The following BORCS5 variants were observed in gnomAD, a reference collection of about 807,000 sequenced individuals.
BORCS5 encodes the protein BLOC-1-related complex subunit 5.
In BORCS5, 17 loss-of-function variants were observed where a neutral mutation model predicts 22.1. The ratio of observed to expected loss-of-function variants is 0.77; its 90% CI spans 0.53 to 1.15. The LOEUF is 1.15. BORCS5 is among the 50% of genes most tolerant of loss of function. BORCS5 has a pLI of 0.00. For synonymous variants in BORCS5, 117 were observed against 99.8 expected (o/e 1.17, Z -1.03); for missense variants, 247 against 253.2 (o/e 0.98, Z 0.17).
intron 2 of BORCS5, among the ~76,000 whole-genome samples, chr12:12,418,004 A>G (rs1942013430): frequency 1.4e-5 from 1 of 69,826 alleles, no homozygotes; most frequent in Non-Finnish European, 2.7e-5. Flanking sequence ...TTATTTATTT[A>G]TTTATTTATT....
intron 2 of BORCS5, among the ~76,000 whole-genome samples, chr12:12,429,888 C>T (rs1942378397): frequency 6.6e-6 from 1 of 152,280 alleles, no homozygotes; most frequent in South Asian, 2.1e-4. Flanking sequence ...CTTAGAAGAG[C>T]AGATTCAGAC....
intron 2 of BORCS5, among the ~76,000 whole-genome samples, chr12:12,402,577 T>G (rs944509912): frequency 1.3e-5 from 2 of 152,228 alleles, no homozygotes; most frequent in Non-Finnish European, 2.9e-5. Flanking sequence ...TGAAGTAGAC[T>G]TTTAACCTTG....
chr12:12,360,972 C>T (rs1051697651), intron 1 of BORCS5, among the ~76,000 whole-genome samples: 3 of 152,170 alleles, frequency 2.0e-5, no homozygotes, highest in Non-Finnish European at 4.4e-5. Flanking sequence ...CTGCCCACCT[C>T]GGCTTCCCAA....
At position 12,465,915 on chromosome 12, in the gene BORCS5, G is replaced by A; in HGVS notation, c.*139G>A. 1.5e-6 allele frequency: 1 copy of A among 666,480 alleles called. No homozygotes were observed. The highest frequency in any genetic ancestry group is 2.5e-6 in the Non-Finnish European group (1 of 398,760). 41.3% of individuals were successfully genotyped at this position (666,480 alleles called of 1,614,324 possible). A position where few individuals can be genotyped will look rare whatever the true frequency, so the allele number is the denominator to read the frequency against. On this transcript the variant is annotated 3_prime_UTR_variant, in exon 4 of 4. Coordinates refer to ENST00000314565, the MANE Select transcript of BORCS5 (RefSeq NM_058169.6). ...AAGTGGGTGCGAAGGAGTCCGGCTGGCATGAAAATCTGACTTTGCCCAGCT... is the reference window on the plus strand; with the variant it reads ...AAGTGGGTGCGAAGGAGTCCGGCTGACATGAAAATCTGACTTTGCCCAGCT...
intron 2 of BORCS5, among the ~76,000 whole-genome samples, chr12:12,425,743 C>A (rs75415694): frequency 6.6e-6 from 1 of 152,164 alleles, no homozygotes; most frequent in African/African-American, 2.4e-5. Flanking sequence ...TAAATAACTC[C>A]TGCTTCTTCT....
At position 12,387,417 on chromosome 12, in the gene BORCS5, C is replaced by T. The variant is rs527733970; in HGVS notation, c.202+26068C>T. ...CTGAGCATTTCCATTTCATAATATC[C>T]TCTTCAACACTGGGCATTACTTAAG... is the stretch of plus-strand genomic sequence containing the variant. On this transcript the variant is annotated intron_variant, in intron 2 of 3. Transcript: ENST00000314565. Among the ~76,000 whole-genome samples, 3 of 151,412 alleles carry T rather than the reference C, an allele frequency of 2.0e-5. 1 individual carries two copies. The South Asian group carries it at 6.2e-4, about 31-fold the overall frequency.
intron 3 of BORCS5, among the ~76,000 whole-genome samples, chr12:12,453,555 A>G (rs774708255): frequency 8.5e-5 from 13 of 152,206 alleles, no homozygotes; most frequent in Admixed American, 8.5e-4. Flanking sequence ...TCTGGGGTTC[A>G]GTGTCAGGAA....
chr12:12,445,362 T>G (rs1327905885), intron 3 of BORCS5, among the ~76,000 whole-genome samples: 1 of 152,034 alleles, frequency 6.6e-6, no homozygotes, highest in Admixed American at 6.6e-5. Flanking sequence ...TCTTAATAAA[T>G]GATTAGACAG....
intron 2 of BORCS5, among the ~76,000 whole-genome samples, chr12:12,363,211 C>T (rs762985991): frequency 3.3e-5 from 5 of 151,526 alleles, no homozygotes; most frequent in African/African-American, 4.8e-5. Context: ...GTAGAAGGAT[C>T]GCTTGAGCCC....
chr12:12,465,590 C>G lies in BORCS5; in HGVS notation c.405C>G (p.Arg135=), dbSNP rs747438861. ...VETLFSFMQE[R]QKRYAKYAEQ... is the part of the protein sequence containing the mutation. ...CTCTGTTCAGCTTCATGCAGGAGCG[C>G]CAGAAAAGATACGCCAAGTATGCCG... The change falls in exon 4 of 4, where the codon CGC becomes CGG. Residue 135 remains arginine, a synonymous_variant. Coordinates refer to ENST00000314565, the MANE Select transcript of BORCS5 (RefSeq NM_058169.6). 9 of 1,614,256 alleles carry G rather than the reference C, an allele frequency of 5.6e-6. No homozygotes were observed. In the East Asian group the frequency reaches 1.8e-4, roughly 32 times the overall value.
chr12:12,398,598 C>G (rs947028550), intron 2 of BORCS5, among the ~76,000 whole-genome samples: 1 of 152,096 alleles, frequency 6.6e-6, no homozygotes, highest in East Asian at 1.9e-4. Flanking sequence ...CCCTGTAGCT[C>G]TTTTGGCTCA....
intron 2 of BORCS5, among the ~76,000 whole-genome samples, chr12:12,409,325 C>T (rs531030268): frequency 2.0e-5 from 3 of 152,168 alleles, no homozygotes; most frequent in South Asian, 2.1e-4. Context: ...TACCCATTAA[C>T]TCGTCATTTA....
chr12:12,376,526 C>A (rs1229136316), intron 2 of BORCS5, among the ~76,000 whole-genome samples: 1 of 152,206 alleles, frequency 6.6e-6, no homozygotes, highest in Non-Finnish European at 1.5e-5. Flanking sequence ...AGCCACTGCA[C>A]CTGGCCTGCT....
chr12:12,386,298 G>GC (rs1210276206), intron 2 of BORCS5, among the ~76,000 whole-genome samples: 4 of 149,946 alleles, frequency 2.7e-5, no homozygotes, highest in African/African-American at 1.0e-4. Flanking sequence ...ACTGTGCCTG[G>GC]CCCCCCATTT....
intron 3 of BORCS5, among the ~76,000 whole-genome samples, chr12:12,463,631 C>T (rs568865195): frequency 2.0e-5 from 3 of 152,126 alleles, no homozygotes; most frequent in Non-Finnish European, 2.9e-5. Context: ...GATGTCAGCA[C>T]GCATGAACAA....
chr12:12,368,962 G>A (rs1863463139), intron 2 of BORCS5, among the ~76,000 whole-genome samples: 3 of 152,108 alleles, frequency 2.0e-5, no homozygotes, highest in Non-Finnish European at 4.4e-5. Context: ...CTTAGGTCAA[G>A]AAATGGTGAT....
chr12:12,359,050 A>G (rs753860903), intron 1 of BORCS5, among the ~76,000 whole-genome samples: 2 of 152,134 alleles, frequency 1.3e-5, no homozygotes, highest in Non-Finnish European at 2.9e-5. Flanking sequence ...TTAAAGATTC[A>G]TTCTTGTCCC....
At chr12:12,451,620 A>T (rs1942910669) in intron 3 of BORCS5, among the ~76,000 whole-genome samples, 1 of 152,200 alleles carries the variant, frequency 6.6e-6, no homozygotes, top group South Asian at 2.1e-4. Context: ...GCAGTGGCTC[A>T]CGCCTCTAAT....
intron 2 of BORCS5, among the ~76,000 whole-genome samples, chr12:12,407,708 GTTT>G (rs111497303): frequency 1.4e-5 from 2 of 139,026 alleles, no homozygotes; most frequent in Non-Finnish European, 1.6e-5. Context: ...TATTCTTTTT[GTTT>G]TTTTTTTTTT....
Sources: gnomAD v4.1 joint callset for allele counts (sites outside exome capture counted in the v4.1 genomes callset) on GRCh38, gnomAD v4.1.1 for gene constraint, MANE v1.5 for transcripts, NCBI Gene and HGNC (gene_info 2026-07-23, HGNC 2026-07-21) for gene names.